ZNF518A: variants seen among roughly 807,000 people sequenced by gnomAD.
ZNF518A encodes zinc finger protein 518.
ZNF518A carries 47 observed loss-of-function variants against 102.7 expected under a neutral mutation model. The observed-to-expected ratio is 0.46, with a 90% CI of 0.36 to 0.58. ZNF518A has a LOEUF of 0.58. Ranked by LOEUF, ZNF518A falls within the 20% of genes least tolerant of loss-of-function variation. The pLI, the probability that ZNF518A is intolerant of heterozygous loss-of-function variation, is 0.00. For synonymous variants in ZNF518A, 652 were observed against 594.6 expected (o/e 1.10, Z -1.40); for missense variants, 1,793 against 1,699.8 (o/e 1.05, Z -0.96).
chr10:96,140,137 T>C (rs2081843416), intron 3 of ZNF518A, among the ~76,000 whole-genome samples: 1 of 152,112 alleles, frequency 6.6e-6, no homozygotes, highest in Admixed American at 6.6e-5. Context: ...GGATTACAGG[T>C]GTGAGCCACC....
chr10:96,190,074 T>C, intron 1 of ZNF518A: 1 of 854,026 alleles, frequency 1.2e-6, no homozygotes, highest in Non-Finnish European at 2.0e-6. Context: ...CACCAGCCCC[T>C]AAACTGACCG....
chr10:96,164,276 AC>A (rs1591266312), downstream of ZNF518A, among the ~76,000 whole-genome samples: 3 of 152,332 alleles, frequency 2.0e-5, no homozygotes, highest in East Asian at 5.8e-4. Context: ...ATTGACATCT[AC>A]TTCCTTCCTT....
At chr10:96,136,104 A>G (rs181062735) in intron 3 of ZNF518A, among the ~76,000 whole-genome samples, 3 of 152,202 alleles carry the variant, frequency 2.0e-5, no homozygotes, top group African/African-American at 7.2e-5. Context: ...AGGTAAATCT[A>G]TGTATGAGGC....
chr10:96,189,263 A>T (rs1296206211), intron 1 of ZNF518A: 6 of 405,802 alleles, frequency 1.5e-5, no homozygotes, highest in Middle Eastern at 8.0e-4. Flanking sequence ...CAGTAGGGAA[A>T]GTTCTCACTC....
chr10:96,193,163 T>A (rs1554893904), intron 1 of ZNF518A, among the ~76,000 whole-genome samples: 1 of 152,226 alleles, frequency 6.6e-6, no homozygotes, highest in African/African-American at 2.4e-5. Flanking sequence ...ATACCTTTAG[T>A]CTTTATTCTT....
At chr10:96,180,174 C>T (rs2083231001) in intron 1 of ZNF518A, among the ~76,000 whole-genome samples, 1 of 134,524 alleles carries the variant, frequency 7.4e-6, no homozygotes, top group Non-Finnish European at 1.5e-5. Context: ...ACCACAGCTC[C>T]AGCCTCTTTT....
intron 3 of ZNF518A, among the ~76,000 whole-genome samples, chr10:96,150,447 T>C (rs1554880017): frequency 6.6e-6 from 1 of 151,840 alleles, no homozygotes; most frequent in African/African-American, 2.4e-5. Flanking sequence ...TTTTATCTTT[T>C]AAGCTAGAAA....
chr10:96,166,828 A>G (rs1222629956), downstream of ZNF518A, among the ~76,000 whole-genome samples: 1 of 152,208 alleles, frequency 6.6e-6, no homozygotes, highest in Non-Finnish European at 1.5e-5. Context: ...ATCCCTTGTG[A>G]TCAGGAAGAC....
At position 96,130,303 on chromosome 10, in the gene ZNF518A, C is replaced by T. The variant is rs1297610230; in HGVS notation, c.-902C>T. The stretch of plus-strand genomic sequence containing the variant: ...CCATTCAGCGCTTCCGCTTAACTTG[C>T]CGCAAAGTTTTTCTGGAGAAGTCGG... On this transcript the variant is annotated 5_prime_UTR_variant, in exon 1 of 6. Transcript: ENST00000316045. Among the ~76,000 whole-genome samples the T allele has an allele frequency of 6.6e-6, 1 of 152,222 alleles. No individual in the cohort carries two copies. Among genetic ancestry groups the T allele is most frequent in the African/African-American group, 2.4e-5 (1 of 41,462 alleles).
In ZNF518A at chr10:96,159,417, G is replaced by A. The variant is rs2082883439; in HGVS notation, c.3095G>A (p.Gly1032Asp). 2 of 1,613,728 alleles carry A rather than the reference G, an allele frequency of 1.2e-6. No individual in the cohort carries two copies. The highest frequency in any genetic ancestry group is 1.7e-6 in the Non-Finnish European group (2 of 1,179,784). ...CLTPGLCSSI[G>D]SCLSMKSSSE... Reference sequence around the variant, plus strand: ...ACACCTGGACTTTGTTCCAGCATTGGCAGTTGTTTGAGCATGAAAAGTAGC... The same window carrying A: ...ACACCTGGACTTTGTTCCAGCATTGACAGTTGTTTGAGCATGAAAAGTAGC... Residue 1032 changes from glycine to aspartate, a missense_variant, in exon 6 of 6, where the codon GGC (glycine) becomes GAC (aspartate). Coordinates refer to ENST00000316045, the MANE Select transcript of ZNF518A (RefSeq NM_001330736.2).
At chr10:96,148,755 GC>G (rs2082288577) in intron 3 of ZNF518A, among the ~76,000 whole-genome samples, 1 of 152,148 alleles carries the variant, frequency 6.6e-6, no homozygotes, top group South Asian at 2.1e-4. Context: ...TCGCCCTGTC[GC>G]CCAGGCTGGA....
chr10:96,187,594 A>G (rs587766242), intron 1 of ZNF518A, among the ~76,000 whole-genome samples: 2 of 152,364 alleles, frequency 1.3e-5, no homozygotes, highest in South Asian at 4.1e-4. Context: ...TGCTGGACAC[A>G]GGCGTAGCTT....
At chr10:96,173,720 T>G (rs969496165) in intron 1 of ZNF518A, among the ~76,000 whole-genome samples, 2 of 152,002 alleles carry the variant, frequency 1.3e-5, no homozygotes, top group South Asian at 2.1e-4. Context: ...ATGAATAAAA[T>G]AACAACAAAA....
intron 1 of ZNF518A, among the ~76,000 whole-genome samples, chr10:96,184,230 A>G (rs1305541472): frequency 1.3e-5 from 2 of 152,070 alleles, no homozygotes; most frequent in Non-Finnish European, 2.9e-5. Flanking sequence ...AATACAGCAC[A>G]CTCATGGGTC....
At chr10:96,204,046 G>A (rs376660776) in exon 3 of ZNF518A, 17 of 1,611,506 alleles carry the variant, frequency 1.1e-5, no homozygotes, top group African/African-American at 8.0e-5. Context: ...ACATGGCTTC[G>A]TTGTACTTAC....
At chr10:96,190,177 T>C (rs1431719515) in intron 1 of ZNF518A, 7 of 831,006 alleles carry the variant, frequency 8.4e-6, no homozygotes, top group African/African-American at 1.7e-5. Flanking sequence ...AAGATAGTTC[T>C]GGGCCTCAGG....
intron 3 of ZNF518A, among the ~76,000 whole-genome samples, chr10:96,145,114 G>T (rs954312300): frequency 2.0e-4 from 29 of 141,888 alleles, no homozygotes; most frequent in Admixed American, 3.6e-4. Context: ...CTGTCGCCCA[G>T]GCTGGAGTGC....
At chr10:96,134,086 T>C (rs1399476210) in intron 3 of ZNF518A, among the ~76,000 whole-genome samples, 1 of 152,184 alleles carries the variant, frequency 6.6e-6, no homozygotes, top group African/African-American at 2.4e-5. Context: ...ATCTGAAACT[T>C]TTTGAGTGCT....
downstream of ZNF518A, among the ~76,000 whole-genome samples, chr10:96,165,424 A>G (rs2083124390): frequency 5.3e-5 from 8 of 151,220 alleles, 1 homozygote; most frequent in South Asian, 1.7e-3. Flanking sequence ...CCCGTCTATA[A>G]TAAGAGGCAC....
Sources: gnomAD v4.1 joint callset for allele counts (sites outside exome capture counted in the v4.1 genomes callset) on GRCh38, gnomAD v4.1.1 for gene constraint, MANE v1.5 for transcripts, NCBI Gene and HGNC (gene_info 2026-07-23, HGNC 2026-07-21) for gene names.